Variants in SCN11A observed in about 807,000 individuals in gnomAD.
SCN11A encodes sodium voltage-gated channel alpha subunit 11.
SCN11A carries 122 observed loss-of-function variants against 162.2 expected under a neutral mutation model. That is an observed-to-expected ratio of 0.75 (90% CI 0.65 to 0.87). The LOEUF (loss-of-function observed/expected upper bound fraction) is 0.87. SCN11A is among the 40% of genes least tolerant of loss of function. The pLI is 0.00. For synonymous variants in SCN11A, 758 were observed against 751.5 expected (o/e 1.01, Z -0.14); for missense variants, 2,015 against 2,181.6 (o/e 0.92, Z 1.52).
chr3:38,921,193 G>A lies in SCN11A; in HGVS notation c.775C>T (p.Leu259Phe), dbSNP rs760712017. The part of the protein sequence containing the change: ...SVKKLVNVII[L>F]TFFCLSIFAL... ...AAGATGCTGAGGCAAAAGAAGGTGA[G>A]GATAATCACGTTGACCAGCTTCTTC... Residue 259 changes from leucine to phenylalanine, a missense_variant, in exon 10 of 30, where the codon CTC becomes TTC. Physicochemically the swap from Leu to Phe is conservative, Grantham distance 22. Transcript: ENST00000302328. 1 of 1,614,098 alleles carries A rather than the reference G, an allele frequency of 6.2e-7. No individual in the cohort carries two copies. Among genetic ancestry groups the A allele is most frequent in the South Asian group, 1.1e-5 (1 of 91,076 alleles).
At chr3:38,920,856 T>C (rs1310453362) in intron 10 of SCN11A, among the ~76,000 whole-genome samples, 1 of 152,050 alleles carries the variant, frequency 6.6e-6, no homozygotes, top group East Asian at 1.9e-4. Context: ...ATAGAATTGC[T>C]CTTGTGGATG....
intron 9 of SCN11A, among the ~76,000 whole-genome samples, chr3:38,922,975 T>C (rs1285032381): frequency 2.0e-5 from 3 of 152,082 alleles, no homozygotes; most frequent in African/African-American, 7.2e-5. Flanking sequence ...GGGAAGATAA[T>C]AAACTGTTTT....
At chr3:39,028,366 T>C (rs1346227375) in intron 2 of SCN11A, among the ~76,000 whole-genome samples, 3 of 152,254 alleles carry the variant, frequency 2.0e-5, no homozygotes, top group Non-Finnish European at 4.4e-5. Flanking sequence ...ACACTGTTAA[T>C]ATCCTTAAAC....
chr3:38,930,040 CA>C lies in SCN11A; in HGVS notation c.489-3110del, dbSNP rs545156695. ...TTATTTCCCTTTTTATCTGCTGTCT[CA>C]AAAAAAAAATCTCGTATCTTTTGTT... On this transcript the variant is annotated intron_variant, in intron 7 of 29. Coordinates refer to ENST00000302328, the MANE Select transcript of SCN11A (RefSeq NM_001349253.2). Among the ~76,000 whole-genome samples, 208 of 149,800 alleles carry C rather than the reference CA, an allele frequency of 1.4e-3. 1 individual carries two copies. Among genetic ancestry groups the C allele is most frequent in the Middle Eastern group, 6.9e-3 (2 of 288 alleles).
At chr3:38,907,837 A>ATGAATGAATAAATGAG (rs1286163551) in intron 14 of SCN11A, 112 bp downstream of exon 14, 5 of 910,074 alleles carry the variant, frequency 5.5e-6, no homozygotes, top group Non-Finnish European at 6.7e-6. Flanking sequence ...GTGCAAATGG[A>ATGAATGAATAAATGAG]TGAATGAATA....
intron 2 of SCN11A, among the ~76,000 whole-genome samples, chr3:38,969,359 A>T (rs1220206234): frequency 6.6e-6 from 1 of 152,188 alleles, no homozygotes; most frequent in African/African-American, 2.4e-5. Context: ...GGAGGAGAAA[A>T]ATCTTAAAGG....
chr3:38,924,346 A>G (rs9838919), intron 9 of SCN11A, among the ~76,000 whole-genome samples: 135,133 of 151,642 alleles, frequency 0.89, 60,296 homozygotes, highest in South Asian at 0.92. Flanking sequence ...CGAGTAGCTG[A>G]GATTAAAGGT....
chr3:38,987,297 TCTCTCTCACA>T (rs1428389044), intron 2 of SCN11A, among the ~76,000 whole-genome samples: 20 of 117,182 alleles, frequency 1.7e-4, no homozygotes, highest in African/African-American at 6.9e-4. Flanking sequence ...TCTCTCTCTC[TCTCTCTCACA>T]CACACACACA....
intron 15 of SCN11A, 43 bp downstream of exon 15, chr3:38,905,149 T>A: frequency 6.2e-7 from 1 of 1,612,770 alleles, no homozygotes; most frequent in East Asian, 2.2e-5. Context: ...TGGAAGGACA[T>A]CACTGAAGTA....
At chr3:38,966,326 A>G (rs2125585379) in intron 2 of SCN11A, among the ~76,000 whole-genome samples, 1 of 152,314 alleles carries the variant, frequency 6.6e-6, no homozygotes, top group Middle Eastern at 3.4e-3. Flanking sequence ...GGAAATTAAC[A>G]TTTGTTAATG....
rs775792185 is a variant in SCN11A, at chr3:38,872,294, C to A, written c.3394G>T (p.Val1132Phe). The change falls in exon 24 of 30, where the codon GTC becomes TTC. Residue 1132 changes from valine (V) to phenylalanine (F), a missense_variant and splice_region_variant. Physicochemically the swap from Val to Phe is conservative, Grantham distance 50. Transcript: ENST00000302328. ...WCCLDFIIVI[V>F]SVTTLINLME... The stretch of plus-strand genomic sequence containing the variant: ...AAGTTAATGAGGGTGGTCACAGAGA[C>A]CTGATGGGAAGAGAGGCCACAGATA... The A allele has an allele frequency of 2.6e-6, 4 of 1,561,232 alleles. No individual in the cohort carries two copies. The highest frequency in any genetic ancestry group is 3.3e-5 in the Admixed American group (2 of 59,832).
chr3:39,048,580 A>G (rs1283261340), intron 1 of SCN11A, among the ~76,000 whole-genome samples: 2 of 152,238 alleles, frequency 1.3e-5, no homozygotes, highest in African/African-American at 4.8e-5. Context: ...ATCACACTGT[A>G]CCCCATATAT....
At chr3:38,940,267 T>C (rs6763211) in intron 7 of SCN11A, among the ~76,000 whole-genome samples, 16,542 of 152,136 alleles carry the variant, frequency 0.11, 980 homozygotes, top group Middle Eastern at 0.16. Flanking sequence ...TGTCATGTTC[T>C]CAATGAGTTC....
At chr3:38,971,799 G>A (rs945068442) in intron 2 of SCN11A, among the ~76,000 whole-genome samples, 3 of 152,128 alleles carry the variant, frequency 2.0e-5, no homozygotes, top group Non-Finnish European at 4.4e-5. Flanking sequence ...CCTACTCTCT[G>A]TATGTCTCAA....
chr3:38,896,777 T>C (rs2065603494), intron 18 of SCN11A, 68 bp downstream of exon 18: 1 of 1,272,756 alleles, frequency 7.9e-7, no homozygotes. Context: ...GTTTTGCAAA[T>C]GAAGTAATGC....
chr3:38,944,547 T>TG (rs1575322882), intron 7 of SCN11A, among the ~76,000 whole-genome samples: 1 of 151,968 alleles, frequency 6.6e-6, no homozygotes, highest in East Asian at 2.0e-4. Context: ...AGGATGGTCT[T>TG]GATCTCCTGA....
rs183508832 is a variant in SCN11A at position 38,903,380 on chromosome 3, C to T, written c.1842+485G>A. Among the ~76,000 whole-genome samples, 57 of 152,222 alleles carry T rather than the reference C, an allele frequency of 3.7e-4. 1 individual carries two copies. In the East Asian group the frequency reaches 0.01, roughly 27 times the overall value. ...GGCTCAAGTCTGGAAATTCACCCCA[C>T]CCCAGCCTGACCAACCCCCAAACAA... On this transcript the variant is annotated intron_variant, in intron 16 of 29. Coordinates refer to ENST00000302328, the MANE Select transcript of SCN11A (RefSeq NM_001349253.2).
At chr3:39,050,541 G>C (rs2032315123) in intron 1 of SCN11A, among the ~76,000 whole-genome samples, 1 of 152,190 alleles carries the variant, frequency 6.6e-6, no homozygotes, top group Admixed American at 6.5e-5. Flanking sequence ...TTTTGCTTAA[G>C]AAGCTTTCTG....
At chr3:38,962,721 G>A (rs1446068608) in intron 2 of SCN11A, among the ~76,000 whole-genome samples, 8 of 152,026 alleles carry the variant, frequency 5.3e-5, no homozygotes, top group African/African-American at 1.4e-4. Flanking sequence ...GGTGGTGGGC[G>A]CCTATAATCC....
Sources: gnomAD v4.1 joint callset for allele counts (sites outside exome capture counted in the v4.1 genomes callset) on GRCh38, gnomAD v4.1.1 for gene constraint, MANE v1.5 for transcripts, NCBI Gene and HGNC (gene_info 2026-07-23, HGNC 2026-07-21) for gene names.